The following IL1RAPL1 variants were observed in gnomAD, a reference collection of about 807,000 sequenced individuals.
IL1RAPL1 encodes interleukin-1 receptor accessory protein-like 1.
A neutral mutation model predicts 48.4 loss-of-function variants in IL1RAPL1; 3 were observed. The ratio of observed to expected loss-of-function variants is 0.06; its 90% CI spans 0.03 to 0.16. The LOEUF (loss-of-function observed/expected upper bound fraction) is 0.16. Among genes scored for constraint, IL1RAPL1 ranks in the 10% least tolerant of loss-of-function variants. The probability of loss-of-function intolerance (pLI) is 1.00; values close to 1 mark genes in which losing one functional copy is unlikely to be tolerated. For synonymous variants in IL1RAPL1, 185 were observed against 187.7 expected, an observed-to-expected ratio of 0.99 and a Z score of 0.12; for missense variants, 349 against 530.6, an observed-to-expected ratio of 0.66 and a Z score of 3.36.
chrX:29,882,039 T>C (rs1932043430), intron 6 of IL1RAPL1, among the ~76,000 whole-genome samples: 1 of 111,924 alleles, frequency 8.9e-6, no homozygotes, highest in Admixed American at 9.5e-5. Flanking sequence ...TATGTGTGTG[T>C]GTATAGTAGA....
intron 5 of IL1RAPL1, among the ~76,000 whole-genome samples, chrX:29,492,914 C>G (rs1935173553): frequency 9.0e-6 from 1 of 111,589 alleles, no homozygotes; most frequent in Admixed American, 9.6e-5. Context: ...CTTATGAAGT[C>G]AAGCATTATA....
At chrX:29,739,079 C>T (rs1402465295) in intron 6 of IL1RAPL1, among the ~76,000 whole-genome samples, 1 of 112,000 alleles carries the variant, frequency 8.9e-6, no homozygotes, top group Non-Finnish European at 1.9e-5. Flanking sequence ...AATTAGGTAA[C>T]ATTTCCCCAC....
chrX:28,630,507 T>C (rs991641222), intron 1 of IL1RAPL1, among the ~76,000 whole-genome samples: 1 of 111,817 alleles, frequency 8.9e-6, no homozygotes, highest in African/African-American at 3.3e-5. Context: ...AGCTGCACTT[T>C]TACTCAACCC....
chrX:29,018,697 G>A (rs1015459532), intron 2 of IL1RAPL1, among the ~76,000 whole-genome samples: 2 of 111,780 alleles, frequency 1.8e-5, no homozygotes, highest in African/African-American at 6.5e-5. Context: ...TTATGTCACA[G>A]CATATATTAG....
At chrX:29,666,412 G>A (rs1382066956) in intron 5 of IL1RAPL1, among the ~76,000 whole-genome samples, 1 of 110,329 alleles carries the variant, frequency 9.1e-6, no homozygotes, top group Non-Finnish European at 1.9e-5. Flanking sequence ...TACTCAGAGG[G>A]GCATGGTGAA....
At chrX:29,585,308 T>A (rs1164043678) in intron 5 of IL1RAPL1, among the ~76,000 whole-genome samples, 2 of 112,412 alleles carry the variant, frequency 1.8e-5, no homozygotes, top group Non-Finnish European at 3.8e-5. Context: ...TTTCTGTGAC[T>A]GGCTTATTTT....
At chrX:29,178,783 G>A (rs1223375931) in intron 2 of IL1RAPL1, among the ~76,000 whole-genome samples, 9 of 111,974 alleles carry the variant, frequency 8.0e-5, no homozygotes, top group African/African-American at 2.9e-4. Context: ...AAAGGTGTAA[G>A]GAAGGGATCC....
In IL1RAPL1 at chrX:28,651,909, A is replaced by G. The variant is rs1934687795; in HGVS notation, c.-25+63862A>G. ...TCCTACTCCTTCTGGACAGAATTATACTTAAAGTACCCTGGAAAGGTTTTG... is the reference window on the plus strand; with the variant it reads ...TCCTACTCCTTCTGGACAGAATTATGCTTAAAGTACCCTGGAAAGGTTTTG... On this transcript the variant is annotated intron_variant, in intron 1 of 10. Transcript: ENST00000378993. 2.7e-5 allele frequency among the ~76,000 whole-genome samples: 3 copies of G among 111,547 alleles called. No individual in the cohort carries two copies. In the South Asian group the frequency reaches 1.1e-3, roughly 42 times the overall value.
At chrX:28,880,062 C>A (rs749023277) in intron 2 of IL1RAPL1, among the ~76,000 whole-genome samples, 2 of 112,179 alleles carry the variant, frequency 1.8e-5, no homozygotes, top group African/African-American at 3.2e-5. Flanking sequence ...AGTCTGCTAA[C>A]AGACATGTAC....
intron 5 of IL1RAPL1, among the ~76,000 whole-genome samples, chrX:29,612,181 G>T (rs557866951): frequency 9.0e-6 from 1 of 111,002 alleles, no homozygotes; most frequent in Non-Finnish European, 1.9e-5. Flanking sequence ...CCTCCTGTCC[G>T]TATCAATTCT....
chrX:28,814,806 C>A (rs1410235859), intron 2 of IL1RAPL1, among the ~76,000 whole-genome samples: 1 of 108,467 alleles, frequency 9.2e-6, no homozygotes, highest in African/African-American at 3.3e-5. Context: ...TTTATATGAT[C>A]CATTTTATCT....
chrX:29,039,283 A>G (rs1210197212), intron 2 of IL1RAPL1, among the ~76,000 whole-genome samples: 1 of 111,546 alleles, frequency 9.0e-6, no homozygotes, highest in Non-Finnish European at 1.9e-5. Flanking sequence ...CAAGTCTGTT[A>G]TAAAAAAAAA....
intron 2 of IL1RAPL1, among the ~76,000 whole-genome samples, chrX:29,178,372 A>T (rs182924794): frequency 3.6e-5 from 4 of 111,979 alleles, no homozygotes; most frequent in African/African-American, 1.3e-4. Context: ...TCATGTGTCT[A>T]TTGGCTGCAT....
At chrX:29,080,874 C>T (rs988402376) in intron 2 of IL1RAPL1, among the ~76,000 whole-genome samples, 4 of 107,764 alleles carry the variant, frequency 3.7e-5, no homozygotes, top group Non-Finnish European at 7.7e-5. Context: ...TTTGTAGTGG[C>T]TGGGACTACA....
intron 2 of IL1RAPL1, among the ~76,000 whole-genome samples, chrX:28,968,541 A>G (rs1036268742): frequency 5.3e-5 from 6 of 112,507 alleles, no homozygotes; most frequent in African/African-American, 1.9e-4. Context: ...TGAGGAAAAC[A>G]TTAGAAAATA....
intron 2 of IL1RAPL1, among the ~76,000 whole-genome samples, chrX:29,201,843 C>A (rs1267180284): frequency 9.0e-6 from 1 of 111,284 alleles, no homozygotes; most frequent in Non-Finnish European, 1.9e-5. Context: ...CAGGCATGCG[C>A]CACCACGCCT....
chrX:29,870,327 G>A (rs750366647), intron 6 of IL1RAPL1, among the ~76,000 whole-genome samples: 2 of 111,848 alleles, frequency 1.8e-5, no homozygotes, highest in Non-Finnish European at 3.8e-5. Context: ...TCACCTAGAG[G>A]GTCCTGATTG....
At chrX:28,939,294 A>G (rs1366620750) in intron 2 of IL1RAPL1, among the ~76,000 whole-genome samples, 1 of 111,431 alleles carries the variant, frequency 9.0e-6, no homozygotes, top group African/African-American at 3.3e-5. Context: ...ACTGTCCATC[A>G]ATGACAGACT....
chrX:28,926,516 A>G (rs1400031781), intron 2 of IL1RAPL1, among the ~76,000 whole-genome samples: 1 of 111,659 alleles, frequency 9.0e-6, no homozygotes, highest in African/African-American at 3.3e-5. Flanking sequence ...AAAAACATAT[A>G]TAGTTTAACT....
Sources: gnomAD v4.1 joint callset for allele counts (sites outside exome capture counted in the v4.1 genomes callset) on GRCh38, gnomAD v4.1.1 for gene constraint, MANE v1.5 for transcripts, NCBI Gene and HGNC (gene_info 2026-07-23, HGNC 2026-07-21) for gene names.